Variants in AGTR1 observed in about 807,000 individuals in gnomAD.
AGTR1 encodes the protein angiotensin II receptor type 1.
Under a neutral mutation model 19.4 loss-of-function variants are expected in AGTR1, and 16 were observed. The observed-to-expected ratio is 0.82, with a 90% CI of 0.56 to 1.25. The LOEUF (loss-of-function observed/expected upper bound fraction) is 1.25. AGTR1 is among the 50% of genes most tolerant of loss of function. The probability of loss-of-function intolerance (pLI) is 0.00; values close to 1 mark genes in which losing one functional copy is unlikely to be tolerated. For missense variants in AGTR1, 373 were observed against 431.9 expected (o/e 0.86, Z 1.21); for synonymous variants, 153 against 154.9 (o/e 0.99, Z 0.09).
chr3:148,726,496 C>T (rs1375259165), intron 2 of AGTR1, among the ~76,000 whole-genome samples: 1 of 152,186 alleles, frequency 6.6e-6, no homozygotes, highest in Non-Finnish European at 1.5e-5. Flanking sequence ...CGTGAGCCAA[C>T]ATGCCTGGCC....
At chr3:148,721,061 G>A (rs1713604108) in intron 2 of AGTR1, among the ~76,000 whole-genome samples, 4 of 152,156 alleles carry the variant, frequency 2.6e-5, no homozygotes, top group African/African-American at 9.7e-5. Context: ...GGGACGAGGT[G>A]AGTTGTCTGT....
intron 2 of AGTR1, among the ~76,000 whole-genome samples, chr3:148,733,415 T>C (rs985047028): frequency 3.3e-5 from 5 of 152,196 alleles, no homozygotes; most frequent in Admixed American, 3.3e-4. Context: ...AGGGTACAAA[T>C]TAATTAGTAC....
chr3:148,738,548 G>GA (rs1158286058), intron 2 of AGTR1, among the ~76,000 whole-genome samples: 1 of 152,034 alleles, frequency 6.6e-6, no homozygotes, highest in African/African-American at 2.4e-5. Context: ...CATAAGTTCA[G>GA]AAAAAATAGT....
At chr3:148,704,786 G>C (rs1339585057) in intron 1 of AGTR1, among the ~76,000 whole-genome samples, 1 of 152,124 alleles carries the variant, frequency 6.6e-6, no homozygotes, top group Non-Finnish European at 1.5e-5. Flanking sequence ...GGTGTGTATG[G>C]GTTCCCTGGG....
At chr3:148,733,562 T>C (rs1207486414) in intron 2 of AGTR1, among the ~76,000 whole-genome samples, 1 of 152,222 alleles carries the variant, frequency 6.6e-6, no homozygotes, top group Admixed American at 6.5e-5. Context: ...GTAGTTTTTT[T>C]CACAAATTGG....
intron 1 of AGTR1, among the ~76,000 whole-genome samples, chr3:148,699,583 G>A (rs1712202268): frequency 2.2e-5 from 2 of 89,440 alleles, no homozygotes; most frequent in East Asian, 2.2e-4. Flanking sequence ...CTGTGTGATA[G>A]TAAGAGCATT....
rs758743626 is a variant in AGTR1 at position 148,741,988 on chromosome 3, A to C, written c.953A>C (p.Lys318Thr). The change falls in exon 3 of 3, where the codon AAA (lysine) becomes ACA (threonine). Residue 318 changes from lysine to threonine, a missense_variant. Transcript: ENST00000349243. ...AAAAGATATTTTCTCCAGCTTCTAA[A>C]ATATATTCCCCCAAAAGCCAAATCC... The part of the protein sequence containing the change: ...KFKRYFLQLL[K>T]YIPPKAKSHS... 1 of 1,613,656 alleles carries C rather than the reference A, an allele frequency of 6.2e-7. No individual in the cohort carries two copies. The highest frequency in any genetic ancestry group is 8.5e-7 in the Non-Finnish European group (1 of 1,179,922).
rs138758798 is a variant in AGTR1 at position 148,701,214 on chromosome 3, A to G, written c.-132+3087A>G. On this transcript the variant is annotated intron_variant, in intron 1 of 2. Transcript: ENST00000349243. Reference sequence around the variant, plus strand: ...AATCTTATAATTTAAAGAACTATAAATTGCCAGATGTTTCCCTAGTTATTA... The same window carrying G: ...AATCTTATAATTTAAAGAACTATAAGTTGCCAGATGTTTCCCTAGTTATTA... Among the ~76,000 whole-genome samples the G allele has an allele frequency of 2.1e-3, 321 of 152,354 alleles. 1 individual carries two copies. The highest frequency in any genetic ancestry group is 7.3e-3 in the African/African-American group (303 of 41,598).
chr3:148,720,554 G>A (rs1009497579), intron 2 of AGTR1, among the ~76,000 whole-genome samples: 1 of 152,124 alleles, frequency 6.6e-6, no homozygotes, highest in African/African-American at 2.4e-5. Context: ...TGCCCTGCAT[G>A]AATAGTAATT....
intron 2 of AGTR1, among the ~76,000 whole-genome samples, chr3:148,713,611 A>T (rs1161661308): frequency 1.3e-5 from 2 of 152,132 alleles, no homozygotes; most frequent in East Asian, 3.9e-4. Flanking sequence ...GATTTGATCA[A>T]TTGAGTATTC....
chr3:148,733,295 G>T lies in AGTR1; in HGVS notation c.-47-7694G>T, dbSNP rs6772401. 2.2e-3 allele frequency among the ~76,000 whole-genome samples: 342 copies of T among 152,290 alleles called. 1 individual carries two copies. Among genetic ancestry groups the T allele is most frequent in the African/African-American group, 8.1e-3 (336 of 41,562 alleles). ...TTCATTTAAAATTTATGGTTATGTG[G>T]CTTGTATAATGTTAAAAGCTTTAAT... On this transcript the variant is annotated intron_variant, in intron 2 of 2. Coordinates refer to ENST00000349243, the MANE Select transcript of AGTR1 (RefSeq NM_000685.5).
chr3:148,698,764 A>G (rs548767466), intron 1 of AGTR1, among the ~76,000 whole-genome samples: 2 of 152,170 alleles, frequency 1.3e-5, no homozygotes, highest in Non-Finnish European at 2.9e-5. Flanking sequence ...CCACACCCCA[A>G]TCCCTACAGC....
rs1255886522 is a variant in AGTR1, at chr3:148,741,404, C to T, written c.369C>T (p.Ser123=). 14 of 1,604,060 alleles carry T rather than the reference C, an allele frequency of 8.7e-6. No individual in the cohort carries two copies. In the East Asian group the frequency reaches 1.6e-4, roughly 18 times the overall value. ...YASVFLLTCL[S]IDRYLAIVHP... ...GTGTGTTTCTACTCACGTGTCTCAG[C>T]ATTGATCGATACCTGGCTATTGTTC... The change falls in exon 3 of 3, where the codon AGC becomes AGT. Residue 123 remains serine (S), a synonymous_variant. Transcript: ENST00000349243.
intron 2 of AGTR1, among the ~76,000 whole-genome samples, chr3:148,717,997 CTT>C (rs1366136691): frequency 1.3e-5 from 2 of 152,132 alleles, no homozygotes; most frequent in Non-Finnish European, 2.9e-5. Flanking sequence ...AAATATTAGC[CTT>C]TGAAATGAAC....
chr3:148,739,377 T>G (rs1427624231), intron 2 of AGTR1, among the ~76,000 whole-genome samples: 4 of 146,128 alleles, frequency 2.7e-5, no homozygotes, highest in African/African-American at 1.0e-4. Context: ...AAAAAAAAAG[T>G]GTCAAACCTA....
intron 2 of AGTR1, among the ~76,000 whole-genome samples, chr3:148,737,480 A>G (rs1292077299): frequency 6.6e-6 from 1 of 152,004 alleles, no homozygotes; most frequent in Non-Finnish European, 1.5e-5. Context: ...ATGATGTAAC[A>G]TTCGACACAC....
At chr3:148,708,919 G>A (rs949597617) in intron 2 of AGTR1, among the ~76,000 whole-genome samples, 2 of 152,166 alleles carry the variant, frequency 1.3e-5, no homozygotes, top group African/African-American at 2.4e-5. Context: ...GTAGGTGCTG[G>A]GTGGGTAGAT....
At chr3:148,705,512 T>C (rs1031552195) in intron 1 of AGTR1, among the ~76,000 whole-genome samples, 16 of 152,254 alleles carry the variant, frequency 1.1e-4, no homozygotes, top group African/African-American at 3.6e-4. Context: ...GTTACACAGT[T>C]AATTGCTGCC....
intron 2 of AGTR1, among the ~76,000 whole-genome samples, chr3:148,735,592 TAA>T: frequency 6.6e-6 from 1 of 151,980 alleles, no homozygotes; most frequent in South Asian, 2.1e-4. Context: ...TTAAGGAAAA[TAA>T]AAGAAGAAGT....
Sources: gnomAD v4.1 joint callset for allele counts (sites outside exome capture counted in the v4.1 genomes callset) on GRCh38, gnomAD v4.1.1 for gene constraint, MANE v1.5 for transcripts, NCBI Gene and HGNC (gene_info 2026-07-23, HGNC 2026-07-21) for gene names.